Variants in COL1A2 observed in about 807,000 individuals in gnomAD.
COL1A2 encodes the protein collagen alpha-2(I) chain.
In COL1A2, 49 loss-of-function variants were observed where a neutral mutation model predicts 174.3. The ratio of observed to expected loss-of-function variants is 0.28; its 90% CI spans 0.22 to 0.36. The LOEUF is 0.36. COL1A2 is among the 10% of genes least tolerant of loss of function. The pLI is 1.00. For synonymous variants in COL1A2, 655 were observed against 606.6 expected, an observed-to-expected ratio of 1.08 and a Z score of -1.17; for missense variants, 1,438 against 1,822.7, an observed-to-expected ratio of 0.79 and a Z score of 3.84.
At position 94,421,880 on chromosome 7, in the gene COL1A2, T is replaced by C; in HGVS notation, c.2350-19T>C. 1 of 1,605,350 alleles carries C rather than the reference T, an allele frequency of 6.2e-7. No individual in the cohort carries two copies. Among genetic ancestry groups the C allele is most frequent in the Non-Finnish European group, 8.5e-7 (1 of 1,174,624 alleles). The stretch of plus-strand genomic sequence containing the variant: ...GGAGTTGATGTTGACTGTGGAATTC[T>C]AATGTGCTTGGCTCTTAGGGTATGA... On this transcript the variant is annotated intron_variant, in intron 38 of 51. Coordinates refer to ENST00000297268, the MANE Select transcript of COL1A2 (RefSeq NM_000089.4).
intron 51 of COL1A2, chr7:94,429,852 T>G (rs1211189486): frequency 3.9e-6 from 1 of 254,546 alleles, no homozygotes; most frequent in Non-Finnish European, 7.5e-6. Context: ...TAATGCTTTT[T>G]CTACAATATG....
intron 48 of COL1A2, 45 bp from the exon 49 acceptor site, chr7:94,427,582 G>C: frequency 6.2e-7 from 1 of 1,611,288 alleles, no homozygotes; most frequent in Non-Finnish European, 8.5e-7. Flanking sequence ...GTCTCTCACT[G>C]TAACAAAATA....
At chr7:94,406,634 C>T (rs757239455) in intron 12 of COL1A2, among the ~76,000 whole-genome samples, 20 of 152,010 alleles carry the variant, frequency 1.3e-4, no homozygotes, top group South Asian at 6.2e-4. Context: ...TCAGAGATTA[C>T]GACACTCTGT....
rs1191363082 is a variant in COL1A2, at chr7:94,429,321, A to C, written c.3845A>C (p.Glu1282Ala). Reference sequence around the variant, plus strand: ...AACAGCATTGCATACATGGATGAGGAGACTGGCAACCTGAAAAAGGCTGTC... The same window carrying C: ...AACAGCATTGCATACATGGATGAGGCGACTGGCAACCTGAAAAAGGCTGTC... The part of the protein sequence containing the change: ...CKNSIAYMDE[E>A]TGNLKKAVIL... The change falls in exon 51 of 52, where the codon GAG (glutamate) becomes GCG (alanine). Residue 1282 changes from glutamate (E) to alanine (A), a missense_variant. Glu to Ala is a moderately radical substitution (Grantham distance 107). Transcript: ENST00000297268. 4.3e-6 allele frequency: 7 copies of C among 1,614,128 alleles called. 1 individual carries two copies. Among genetic ancestry groups the C allele is most frequent in the Non-Finnish European group, 5.9e-6 (7 of 1,180,018 alleles).
Position 94,430,377 on chromosome 7 carries a change from C to G in COL1A2, c.4085C>G (p.Pro1362Arg). Residue 1362 changes from proline (P) to arginine (R), a missense_variant, in exon 52 of 52, where the codon CCA becomes CGA. Pro to Arg is a moderately radical substitution (Grantham distance 103). This residue lies in a region of COL1A2 where 290 missense variants were observed against 298.1 expected (regional missense o/e 0.97). Coordinates refer to ENST00000297268, the MANE Select transcript of COL1A2 (RefSeq NM_000089.4). ...ADQEFFVDIG[P>R]VCFK The stretch of plus-strand genomic sequence containing the variant: ...CAGGAATTCTTTGTGGACATTGGCC[C>G]AGTCTGTTTCAAATAAATGAACTCA... 6.2e-7 allele frequency: 1 copy of G among 1,613,952 alleles called. No homozygotes were observed. The highest frequency in any genetic ancestry group is 1.1e-5 in the South Asian group (1 of 91,058).
In COL1A2 at chr7:94,417,897, C is replaced by T. The variant is rs916600351; in HGVS notation, c.1971+66C>T. ...GTAAAGAAGGCTGCACAAGGATGCC[C>T]AAGTTTTCACAATTCTTGGCAGGTG... is the stretch of plus-strand genomic sequence containing the variant. On this transcript the variant is annotated intron_variant, in intron 32 of 51. Coordinates refer to ENST00000297268, the MANE Select transcript of COL1A2 (RefSeq NM_000089.4). 3.0e-5 allele frequency: 39 copies of T among 1,294,630 alleles called. 1 individual carries two copies. The highest frequency in any genetic ancestry group is 4.3e-5 in the Non-Finnish European group (39 of 913,260). 80.2% of individuals were successfully genotyped at this position (1,294,630 alleles called of 1,614,324 possible).
chr7:94,412,188 G>A (rs1224387122), intron 24 of COL1A2, 67 bp downstream of exon 24: 1 of 1,383,992 alleles, frequency 7.2e-7, no homozygotes, highest in East Asian at 2.3e-5. Flanking sequence ...AGTCTATTTT[G>A]TGGCTTATTT....
chr7:94,399,410 T>C (rs1023481493), intron 4 of COL1A2, among the ~76,000 whole-genome samples: 2 of 152,202 alleles, frequency 1.3e-5, no homozygotes, highest in African/African-American at 2.4e-5. Context: ...TTTAACACAT[T>C]TCATTTGCTT....
chr7:94,427,343 A>T (rs1377821666), intron 48 of COL1A2, 48 bp downstream of exon 48: 5 of 1,513,944 alleles, frequency 3.3e-6, no homozygotes, highest in African/African-American at 1.4e-5. Context: ...GACCTAAGGA[A>T]TGTTTTCTTC....
In COL1A2 at chr7:94,427,633, C is replaced by G. The variant is rs931800628; in HGVS notation, c.3274C>G (p.Pro1092Ala). The G allele has an allele frequency of 3.7e-6, 6 of 1,614,094 alleles. No individual in the cohort carries two copies. The highest frequency in any genetic ancestry group is 4.2e-6 in the Non-Finnish European group (5 of 1,180,002). Reference sequence around the variant, plus strand: ...CTCACTTTCACCTTTGCAGGGCCCCCCTGGTCCCCCTGGCCCTCCTGGACC... The same window carrying G: ...CTCACTTTCACCTTTGCAGGGCCCCGCTGGTCCCCCTGGCCCTCCTGGACC... ...PQGHQGPAGP[P>A]GPPGPPGPPG... The change falls in exon 49 of 52, where the codon CCT (proline) becomes GCT (alanine). Residue 1092 changes from proline (P) to alanine (A), a missense_variant. Physicochemically the swap from Pro to Ala is conservative, Grantham distance 27. Transcript: ENST00000297268.
chr7:94,404,046 C>G (rs781549641), intron 6 of COL1A2, among the ~76,000 whole-genome samples: 1 of 152,148 alleles, frequency 6.6e-6, no homozygotes, highest in Non-Finnish European at 1.5e-5. Flanking sequence ...CACCAATAAC[C>G]CTTAGAGGAG....
At chr7:94,420,948 A>G (rs1792146465) in intron 37 of COL1A2, 61 bp from the exon 38 acceptor site, 1 of 1,484,134 alleles carries the variant, frequency 6.7e-7, no homozygotes, top group Non-Finnish European at 9.4e-7. Context: ...CACTTGAAGA[A>G]AAGAGTAGCA....
rs932581614 is a variant in COL1A2 at position 94,394,912 on chromosome 7, A to C, written c.-120A>C. The C allele has an allele frequency of 6.4e-5, 51 of 792,518 alleles. No homozygotes were observed. The Admixed American group carries it at 8.9e-4, about 14-fold the overall frequency. The allele number at this position is 792,518 out of a possible 1,614,324, so 49.1% of individuals were successfully genotyped here. A position where few individuals can be genotyped will look rare whatever the true frequency, so the allele number is the denominator to read the frequency against. ...ATTATTTTAGCACCACGGCAGCAGG[A>C]GGTTTCGGCTAAGTTGGAGGTACTG... On this transcript the variant is annotated 5_prime_UTR_variant, in exon 1 of 52. Coordinates refer to ENST00000297268, the MANE Select transcript of COL1A2 (RefSeq NM_000089.4).
chr7:94,412,119 G>T lies in COL1A2; in HGVS notation c.1402G>T (p.Val468Phe). 1 of 1,612,014 alleles carries T rather than the reference G, an allele frequency of 6.2e-7. No individual in the cohort carries two copies. The highest frequency in any genetic ancestry group is 8.5e-7 in the Non-Finnish European group (1 of 1,178,668). The change falls in exon 24 of 52, where the codon GTC becomes TTC. Residue 468 changes from valine to phenylalanine, a missense_variant and splice_region_variant. Transcript: ENST00000297268. ...NIGPAGKEGPVGLPGIDGRPG... is the reference protein window; with the variant it reads ...NIGPAGKEGPFGLPGIDGRPG... ...CGGCCCCGCTGGAAAAGAAGGTCCT[G>T]TCGTAAGTATTGCTCATTTTCCATT...
intron 4 of COL1A2, among the ~76,000 whole-genome samples, chr7:94,399,434 C>T (rs1791643060): frequency 6.6e-6 from 1 of 152,088 alleles, no homozygotes; most frequent in South Asian, 2.1e-4. Context: ...AACTAAGATC[C>T]CTTAGGTAGC....
chr7:94,429,501 C>T, intron 51 of COL1A2, 71 bp downstream of exon 51: 1 of 1,560,034 alleles, frequency 6.4e-7, no homozygotes, highest in African/African-American at 1.4e-5. Context: ...AGACTGCCCC[C>T]AAGGGGGGGT....
Position 94,411,081 on chromosome 7 carries a change from G to C in COL1A2, c.1277G>C (p.Ser426Thr), listed in dbSNP as rs376629202. The C allele has an allele frequency of 1.8e-5, 29 of 1,602,960 alleles. No individual in the cohort carries two copies. The highest frequency in any genetic ancestry group is 2.5e-5 in the Non-Finnish European group (29 of 1,175,416). Residue 426 changes from serine to threonine, a missense_variant, in exon 23 of 52, where the codon AGT becomes ACT. By Grantham distance (58) the Ser-to-Thr change is moderately conservative. Coordinates refer to ENST00000297268, the MANE Select transcript of COL1A2 (RefSeq NM_000089.4). ...GGCCCTCCTGGTAGTCGTGGTGCAA[G>C]TGGCCCTGCTGGAGTCCGAGGACCT... ...VMGPPGSRGA[S>T]GPAGVRGPNG... is the part of the protein sequence containing the mutation.
chr7:94,420,807 A>G (rs930776035), intron 37 of COL1A2, 159 bp downstream of exon 37: 3 of 910,612 alleles, frequency 3.3e-6, no homozygotes, highest in Non-Finnish European at 5.3e-6. Context: ...TACAAAGTAT[A>G]AAAGTTTCAT....
intron 1 of COL1A2, among the ~76,000 whole-genome samples, chr7:94,396,314 T>TTGTG (rs60833112): frequency 0.034 from 5,034 of 149,654 alleles, 109 homozygotes; most frequent in African/African-American, 0.059. Context: ...ATTTGTGTGC[T>TTGTG]TGTGTGTGTG....
Sources: gnomAD v4.1 joint callset for allele counts (sites outside exome capture counted in the v4.1 genomes callset) on GRCh38, gnomAD v4.1.1 for gene constraint, gnomAD v4.1.1 regional missense constraint, MANE v1.5 for transcripts, NCBI Gene and HGNC (gene_info 2026-07-23, HGNC 2026-07-21) for gene names.